LMAN2L: variants seen among roughly 807,000 people sequenced by gnomAD.
The protein encoded by LMAN2L is VIP36-like protein.
LMAN2L carries 30 observed loss-of-function variants against 44.3 expected under a neutral mutation model. The ratio of observed to expected loss-of-function variants is 0.68; its 90% CI spans 0.51 to 0.92. The LOEUF (loss-of-function observed/expected upper bound fraction) is 0.92. Ranked by LOEUF, LMAN2L falls within the 40% of genes least tolerant of loss-of-function variation. LMAN2L has a pLI of 0.00. For missense variants in LMAN2L, 429 were observed against 446.1 expected (o/e 0.96, Z 0.35); for synonymous variants, 183 against 171.1 (o/e 1.07, Z -0.54).
At chr2:96,734,311 A>G in intron 3 of LMAN2L, 98 bp downstream of exon 3, 1 of 789,894 alleles carries the variant, frequency 1.3e-6, no homozygotes, top group Admixed American at 1.7e-5. Flanking sequence ...GGGAGAGGGA[A>G]AACAGCTGGC....
chr2:96,737,345 G>A, intron 2 of LMAN2L: 1 of 355,190 alleles, frequency 2.8e-6, no homozygotes, highest in Admixed American at 4.2e-5. Flanking sequence ...GATAAGGTTT[G>A]GGATCAATTT....
intron 4 of LMAN2L, among the ~76,000 whole-genome samples, chr2:96,725,444 CTTTTTTT>C (rs998623420): frequency 8.8e-5 from 12 of 136,024 alleles, no homozygotes; most frequent in Non-Finnish European, 1.6e-4. Context: ...ATTAAATTTT[CTTTTTTT>C]TTTTTTTTTG....
rs151020307 is a variant in LMAN2L, at chr2:96,709,596, T to C, written c.785-1763A>G. 2.4e-3 allele frequency among the ~76,000 whole-genome samples: 370 copies of C among 152,276 alleles called. 3 individuals are homozygous for C. Among genetic ancestry groups the C allele is most frequent in the African/African-American group, 8.5e-3 (354 of 41,552 alleles). ...AGTGAAAAACTGGATTCATCTTCTGTTGGAAAAATGTTAACTGTCAGAGCT... is the reference window on the plus strand; with the variant it reads ...AGTGAAAAACTGGATTCATCTTCTGCTGGAAAAATGTTAACTGTCAGAGCT... On this transcript the variant is annotated intron_variant, in intron 6 of 7. Transcript: ENST00000264963.
intron 4 of LMAN2L, among the ~76,000 whole-genome samples, chr2:96,728,573 T>C (rs939345916): frequency 6.8e-6 from 1 of 147,940 alleles, no homozygotes; most frequent in South Asian, 2.1e-4. Context: ...CTGGGTGCGG[T>C]GGTTCACGCT....
chr2:96,709,045 G>A (rs1314231843), intron 6 of LMAN2L, among the ~76,000 whole-genome samples: 1 of 150,622 alleles, frequency 6.6e-6, no homozygotes, highest in Admixed American at 6.6e-5. Flanking sequence ...CTCCCAAGTA[G>A]CTGGGATTAC....
chr2:96,736,645 T>C (rs890627434), intron 2 of LMAN2L, among the ~76,000 whole-genome samples: 1 of 152,214 alleles, frequency 6.6e-6, no homozygotes, highest in African/African-American at 2.4e-5. Context: ...AGTCTTTTCA[T>C]GTCTATTGTC....
In LMAN2L at chr2:96,707,716, T is replaced by C. The variant is rs1169504179; in HGVS notation, c.902A>G (p.Glu301Gly). ...TTCCCGCGGGCCCCTGTGCTCACTC[T>C]CAGGCAGCTTCATATTGTCCACTGA... The part of the protein sequence containing the change: ...LPSVDNMKLP[E>G]MTAPLPPLSG... Residue 301 changes from glutamate to glycine, a missense_variant and splice_region_variant, in exon 7 of 8, where the codon GAG (glutamate) becomes GGG (glycine). Glu to Gly is a moderately conservative substitution (Grantham distance 98). Transcript: ENST00000264963. 1 of 1,614,070 alleles carries C rather than the reference T, an allele frequency of 6.2e-7. No individual in the cohort carries two copies. The highest frequency in any genetic ancestry group is 8.5e-7 in the Non-Finnish European group (1 of 1,179,976).
At chr2:96,739,182 G>C (rs1039447592) in intron 1 of LMAN2L, among the ~76,000 whole-genome samples, 9 of 152,232 alleles carry the variant, frequency 5.9e-5, no homozygotes, top group Non-Finnish European at 1.3e-4. Context: ...CTCCAGGCAT[G>C]TAAGTGAATA....
intron 4 of LMAN2L, among the ~76,000 whole-genome samples, chr2:96,717,725 G>A (rs1558952079): frequency 6.6e-6 from 1 of 151,312 alleles, no homozygotes; most frequent in Non-Finnish European, 1.5e-5. Context: ...TGTAATCCCA[G>A]CTACTCAGGA....
rs2153337935 is a variant in LMAN2L at position 96,737,940 on chromosome 2, G to A, written c.306+9C>T. 1.3e-6 allele frequency: 2 copies of A among 1,586,206 alleles called. No individual in the cohort carries two copies. On this transcript the variant is annotated intron_variant, in intron 2 of 7. Transcript: ENST00000264963. ...GGGTCACCAACACAGGAGGGAGAAA[G>A]ATTCTTACCACCCGGTTCCACAAGG...
chr2:96,728,018 T>C (rs1419225970), intron 4 of LMAN2L, among the ~76,000 whole-genome samples: 1 of 152,224 alleles, frequency 6.6e-6, no homozygotes, highest in African/African-American at 2.4e-5. Flanking sequence ...TTATGATAAG[T>C]AAATAATGTA....
At chr2:96,734,667 T>C in intron 2 of LMAN2L, 141 bp from the exon 3 acceptor site, 2 of 631,470 alleles carry the variant, frequency 3.2e-6, no homozygotes, top group East Asian at 2.7e-5. Flanking sequence ...TAAGACTTGC[T>C]ATGTGTTCAT....
At chr2:96,714,206 A>G (rs2077987441) in intron 4 of LMAN2L, among the ~76,000 whole-genome samples, 1 of 152,250 alleles carries the variant, frequency 6.6e-6, no homozygotes, top group Admixed American at 6.5e-5. Flanking sequence ...CTGAGCTGAG[A>G]CTCAAGTAAT....
chr2:96,720,866 G>A (rs1318404100), intron 4 of LMAN2L, among the ~76,000 whole-genome samples: 1 of 152,120 alleles, frequency 6.6e-6, no homozygotes, highest in East Asian at 1.9e-4. Flanking sequence ...TTGAACCTGG[G>A]AGATGGACGT....
chr2:96,721,814 C>T (rs899850426), intron 4 of LMAN2L, among the ~76,000 whole-genome samples: 1 of 151,906 alleles, frequency 6.6e-6, no homozygotes, highest in African/African-American at 2.4e-5. Flanking sequence ...TCCATTATAA[C>T]AATATATCAC....
chr2:96,722,262 C>T (rs2078174257), intron 4 of LMAN2L, among the ~76,000 whole-genome samples: 1 of 152,104 alleles, frequency 6.6e-6, no homozygotes, highest in Non-Finnish European at 1.5e-5. Flanking sequence ...GCCACCGCAC[C>T]CGGCCTGTGT....
intron 2 of LMAN2L, 159 bp from the exon 3 acceptor site, chr2:96,734,685 AATTAAACGG>A (rs1213023416): frequency 1.6e-6 from 1 of 609,674 alleles, no homozygotes; most frequent in African/African-American, 1.8e-5. Context: ...CATGTCATAA[AATTAAACGG>A]ATTGAACCAT....
intron 6 of LMAN2L, among the ~76,000 whole-genome samples, chr2:96,708,992 G>A (rs1215505828): frequency 7.3e-6 from 1 of 137,588 alleles, no homozygotes; most frequent in Non-Finnish European, 1.5e-5. Flanking sequence ...TCGGCTCACT[G>A]CAACCTCTGC....
intron 4 of LMAN2L, among the ~76,000 whole-genome samples, chr2:96,719,162 C>G (rs572086039): frequency 6.6e-6 from 1 of 152,074 alleles, no homozygotes; most frequent in African/African-American, 2.4e-5. Flanking sequence ...GTCAATACTT[C>G]TTGTTAATGA....
Sources: gnomAD v4.1 joint callset for allele counts (sites outside exome capture counted in the v4.1 genomes callset) on GRCh38, gnomAD v4.1.1 for gene constraint, MANE v1.5 for transcripts, NCBI Gene and HGNC (gene_info 2026-07-23, HGNC 2026-07-21) for gene names.